Variants in SNX18 observed in about 807,000 individuals in gnomAD.
SNX18 encodes sorting nexin 18.
In SNX18, 35 loss-of-function variants were observed where a neutral mutation model predicts 48.7. The ratio of observed to expected loss-of-function variants is 0.72; its 90% CI spans 0.55 to 0.95. The LOEUF (loss-of-function observed/expected upper bound fraction) is 0.95. Among genes scored for constraint, SNX18 ranks in the 40% least tolerant of loss-of-function variants. The probability of loss-of-function intolerance (pLI) is 0.00; values close to 1 mark genes in which losing one functional copy is unlikely to be tolerated. For missense variants in SNX18, 824 were observed against 871.0 expected, an observed-to-expected ratio of 0.95 and a Z score of 0.68; for synonymous variants, 492 against 384.7, an observed-to-expected ratio of 1.28 and a Z score of -3.26.
In SNX18 at chr5:54,518,687, G is replaced by C. The variant is rs1761935927; in HGVS notation, c.735G>C (p.Leu245=). 1 of 1,573,464 alleles carries C rather than the reference G, an allele frequency of 6.4e-7. No homozygotes were observed. The highest frequency in any genetic ancestry group is 8.6e-7 in the Non-Finnish European group (1 of 1,160,654). The change falls in exon 1 of 2, where the codon CTG becomes CTC. Residue 245 remains leucine, a synonymous_variant. Transcript: ENST00000381410. The stretch of plus-strand genomic sequence containing the variant: ...AGTCCGGCGGGGAGGCCTTCGTGCT[G>C]GGGGAGGCGTCAGGCTTCGTGAAGG... ...FVKSGGEAFV[L]GEASGFVKDG...
the SNX18 span, among the ~76,000 whole-genome samples, chr5:54,598,683 C>T: frequency 1.3e-5 from 2 of 152,084 alleles, no homozygotes; most frequent in African/African-American, 2.4e-5. Context: ...ATTCAGCATC[C>T]CTTTTTGTTA....
At chr5:54,523,223 G>A (rs1433021694) in intron 1 of SNX18, among the ~76,000 whole-genome samples, 1 of 151,956 alleles carries the variant, frequency 6.6e-6, no homozygotes, top group Non-Finnish European at 1.5e-5. Context: ...CCTGTCTGCA[G>A]TATACCTTTA....
At chr5:54,528,096 T>C (rs1762170121) in intron 1 of SNX18, among the ~76,000 whole-genome samples, 1 of 152,006 alleles carries the variant, frequency 6.6e-6, no homozygotes, top group African/African-American at 2.4e-5. Context: ...TTTCACTTTA[T>C]ATTGATTCTT....
chr5:54,535,612 T>C (rs1762338710), intron 1 of SNX18, among the ~76,000 whole-genome samples: 2 of 152,132 alleles, frequency 1.3e-5, no homozygotes, highest in African/African-American at 4.8e-5. Flanking sequence ...GTCTCCTGAA[T>C]GAGGATGCCC....
chr5:54,624,098 C>G, the SNX18 span, among the ~76,000 whole-genome samples: 1 of 152,222 alleles, frequency 6.6e-6, no homozygotes, highest in Admixed American at 6.5e-5. Flanking sequence ...CACATACTGA[C>G]TGAATCCATC....
chr5:54,592,526 AGAT>A, the SNX18 span, among the ~76,000 whole-genome samples: 1 of 152,182 alleles, frequency 6.6e-6, no homozygotes, highest in Non-Finnish European at 1.5e-5. Context: ...AAAATTACTG[AGAT>A]GATGATCGTG....
the SNX18 span, among the ~76,000 whole-genome samples, chr5:54,582,295 G>C: frequency 6.6e-6 from 1 of 152,148 alleles, no homozygotes; most frequent in Non-Finnish European, 1.5e-5. Flanking sequence ...GATGGTAGCA[G>C]ATGCCTGTAT....
chr5:54,565,438 T>A, the SNX18 span, among the ~76,000 whole-genome samples: 1 of 152,030 alleles, frequency 6.6e-6, no homozygotes. Context: ...CTGGGTGCAG[T>A]GGCATGCACC....
In SNX18 at chr5:54,518,936, G is replaced by A. The variant is rs751209267; in HGVS notation, c.984G>A (p.Pro328=). The change falls in exon 1 of 2, where the codon CCG becomes CCA. Residue 328 remains proline (P), a synonymous_variant. Coordinates refer to ENST00000381410, the MANE Select transcript of SNX18 (RefSeq NM_001102575.2). ...WLYARLAEKF[P]VISVPHLPEK... is the part of the protein sequence containing the mutation. ...ACGCGCGCCTGGCGGAGAAGTTCCC[G>A]GTCATCTCCGTGCCCCACCTGCCCG... The A allele has an allele frequency of 3.7e-6, 6 of 1,613,830 alleles. No homozygotes were observed. The highest frequency in any genetic ancestry group is 2.2e-5 in the East Asian group (1 of 44,844).
At chr5:54,594,337 A>G in the SNX18 span, among the ~76,000 whole-genome samples, 1 of 152,220 alleles carries the variant, frequency 6.6e-6, no homozygotes, top group Non-Finnish European at 1.5e-5. Context: ...TTGTGTGACC[A>G]TATGCATTTG....
the SNX18 span, among the ~76,000 whole-genome samples, chr5:54,611,483 T>C: frequency 6.6e-6 from 1 of 152,176 alleles, no homozygotes; most frequent in Admixed American, 6.5e-5. Context: ...CCAGGTCCCC[T>C]TCTAGATTCC....
chr5:54,582,645 A>G, the SNX18 span, among the ~76,000 whole-genome samples: 3 of 152,222 alleles, frequency 2.0e-5, no homozygotes, highest in African/African-American at 7.2e-5. Context: ...AAAAAACATT[A>G]ACCAGGCATG....
At position 54,518,509 on chromosome 5, in the gene SNX18, G is replaced by A. The variant is rs1397876496; in HGVS notation, c.557G>A (p.Gly186Asp). The A allele has an allele frequency of 1.3e-6, 2 of 1,557,692 alleles. No individual in the cohort carries two copies. Among genetic ancestry groups the A allele is most frequent in the Non-Finnish European group, 1.7e-6 (2 of 1,151,808 alleles). The stretch of plus-strand genomic sequence containing the variant: ...GACCTCGACGGCTCGTCTTCGGCGG[G>A]TGTGGGCGCAGCCGGCCGCTACCGC... The part of the protein sequence containing the change: ...YPDLDGSSSA[G>D]VGAAGRYRLS... Residue 186 changes from glycine (G) to aspartate (D), a missense_variant, in exon 1 of 2, where the codon GGT (glycine) becomes GAT (aspartate). Physicochemically the swap from Gly to Asp is moderately conservative, Grantham distance 94. This residue lies in a region of SNX18 where 377 missense variants were observed against 350.6 expected (regional missense o/e 1.08). Coordinates refer to ENST00000381410, the MANE Select transcript of SNX18 (RefSeq NM_001102575.2).
At chr5:54,535,223 C>A (rs924852705) in intron 1 of SNX18, among the ~76,000 whole-genome samples, 1 of 152,070 alleles carries the variant, frequency 6.6e-6, no homozygotes, top group Non-Finnish European at 1.5e-5. Context: ...TTTAGAACTG[C>A]GAGATGGCTT....
At chr5:54,565,022 T>A in the SNX18 span, among the ~76,000 whole-genome samples, 4 of 152,306 alleles carry the variant, frequency 2.6e-5, no homozygotes, top group Middle Eastern at 3.4e-3. Context: ...TCACAGCCAG[T>A]GATGGCTGAG....
the SNX18 span, among the ~76,000 whole-genome samples, chr5:54,555,666 A>G: frequency 6.6e-6 from 1 of 151,980 alleles, no homozygotes; most frequent in South Asian, 2.1e-4. Context: ...TTTCTACCAA[A>G]CAATACAAAA....
chr5:54,545,187 T>C lies in SNX18; in HGVS notation c.*1755T>C, dbSNP rs1229378273. ...TATGTGGCTTTGTCTTTACTACAGA[T>C]ATGTGGAACTGTAACCAAATATGTT... is the stretch of plus-strand genomic sequence containing the variant. On this transcript the variant is annotated 3_prime_UTR_variant, in exon 2 of 2. Transcript: ENST00000381410. The C allele has an allele frequency of 3.9e-5, 6 of 152,196 alleles. No individual in the cohort carries two copies. Among genetic ancestry groups the C allele is most frequent in the Admixed American group, 3.9e-4 (6 of 15,280 alleles). 9.4% of individuals were successfully genotyped at this position (152,196 alleles called of 1,614,324 possible).
At chr5:54,641,198 A>G in the SNX18 span, among the ~76,000 whole-genome samples, 1 of 152,198 alleles carries the variant, frequency 6.6e-6, no homozygotes, top group Admixed American at 6.5e-5. Context: ...AGGCCAGAAC[A>G]ATGCAAGACA....
intron 1 of SNX18, among the ~76,000 whole-genome samples, chr5:54,524,111 C>T (rs2112840190): frequency 6.6e-6 from 1 of 152,320 alleles, no homozygotes; most frequent in Admixed American, 6.5e-5. Context: ...GACCTCATGT[C>T]TCTAAAAAGA....
Sources: allele counts gnomAD v4.1 joint callset (sites outside exome capture counted in the v4.1 genomes callset), GRCh38; gene constraint gnomAD v4.1.1; regional missense constraint gnomAD v4.1.1; transcripts MANE v1.5; gene names NCBI Gene and HGNC (gene_info 2026-07-23, HGNC 2026-07-21).